Variants in HDAC9 observed in about 807,000 individuals in gnomAD.
HDAC9 encodes the protein MEF-2 interacting transcription repressor (MITR) protein.
A neutral mutation model predicts 139.4 loss-of-function variants in HDAC9; 41 were observed. That is an observed-to-expected ratio of 0.29 (90% CI 0.23 to 0.38). The LOEUF (loss-of-function observed/expected upper bound fraction) is 0.38, where lower values mean the gene tolerates loss of function less well. Ranked by LOEUF, HDAC9 falls within the 10% of genes least tolerant of loss-of-function variation. The pLI, the probability that HDAC9 is intolerant of heterozygous loss-of-function variation, is 1.00. For missense variants in HDAC9, 1,147 were observed against 1,297.0 expected, an observed-to-expected ratio of 0.88 and a Z score of 1.78; for synonymous variants, 517 against 476.2, an observed-to-expected ratio of 1.09 and a Z score of -1.12.
intron 22 of HDAC9, among the ~76,000 whole-genome samples, chr7:18,880,807 A>T (rs889682940): frequency 2.7e-5 from 4 of 149,588 alleles, no homozygotes; most frequent in African/African-American, 9.8e-5. Flanking sequence ...TTAAAAAAAA[A>T]ATTAAGTGAT....
chr7:18,683,727 C>G (rs1026838179), intron 12 of HDAC9, among the ~76,000 whole-genome samples: 1 of 152,044 alleles, frequency 6.6e-6, no homozygotes, highest in Non-Finnish European at 1.5e-5. Flanking sequence ...AAAGATAGTG[C>G]TGGCAGAAAC....
chr7:18,550,366 A>C (rs1009973335), intron 2 of HDAC9, among the ~76,000 whole-genome samples: 2 of 152,020 alleles, frequency 1.3e-5, no homozygotes, highest in Non-Finnish European at 2.9e-5. Context: ...GTTCTGTTCC[A>C]TTCTATGCAA....
intron 1 of HDAC9, among the ~76,000 whole-genome samples, chr7:18,370,108 G>A (rs1784483789): frequency 6.6e-6 from 1 of 152,120 alleles, no homozygotes; most frequent in African/African-American, 2.4e-5. Context: ...TTAAATGAAT[G>A]GAGCGCAGGC....
intron 2 of HDAC9, among the ~76,000 whole-genome samples, chr7:18,572,884 C>T (rs1486570676): frequency 6.6e-6 from 1 of 152,178 alleles, no homozygotes; most frequent in Non-Finnish European, 1.5e-5. Flanking sequence ...GTGGCCATTA[C>T]AGATTAGTTA....
At chr7:18,856,464 T>G (rs1562993774) in intron 21 of HDAC9, among the ~76,000 whole-genome samples, 1 of 152,092 alleles carries the variant, frequency 6.6e-6, no homozygotes, top group Admixed American at 6.6e-5. Flanking sequence ...TGCATAGAAA[T>G]TGCCCCTAAA....
At chr7:18,171,764 G>A (rs1258170110) in intron 2 of HDAC9, among the ~76,000 whole-genome samples, 2 of 152,190 alleles carry the variant, frequency 1.3e-5, no homozygotes, top group Non-Finnish European at 2.9e-5. Flanking sequence ...ATTTCCGTAT[G>A]TTGAACCAGC....
chr7:18,647,654 G>T, intron 9 of HDAC9, 131 bp from the exon 10 acceptor site: 1 of 674,068 alleles, frequency 1.5e-6, no homozygotes, highest in Non-Finnish European at 2.4e-6. Context: ...CATTTTCCCT[G>T]CTCAGCCATT....
rs113553326 is a variant in HDAC9, at chr7:18,476,764, G to A, written c.-41-19498G>A. Among the ~76,000 whole-genome samples the A allele has an allele frequency of 8.7e-3, 1,317 of 151,888 alleles. 18 individuals carry two copies. Among genetic ancestry groups the A allele is most frequent in the African/African-American group, 0.03 (1,238 of 41,404 alleles). ...ATATCTCTGTTTCAATTTTTTCTTCGTTCTCTGTCCACACAGGTCCCAAAT... is the reference window on the plus strand; with the variant it reads ...ATATCTCTGTTTCAATTTTTTCTTCATTCTCTGTCCACACAGGTCCCAAAT... On this transcript the variant is annotated intron_variant, in intron 1 of 3. Coordinates refer to the HDAC9 transcript ENST00000413509.
chr7:18,829,428 TTTC>T, intron 18 of HDAC9, 30 bp from the exon 19 acceptor site: 1 of 1,475,724 alleles, frequency 6.8e-7, no homozygotes, highest in African/African-American at 1.4e-5. Context: ...GATGATTTGC[TTTC>T]TTATTTCTCT....
At chr7:18,477,412 T>C (rs757111573) in intron 1 of HDAC9, among the ~76,000 whole-genome samples, 9 of 151,018 alleles carry the variant, frequency 6.0e-5, no homozygotes, top group Non-Finnish European at 1.2e-4. Context: ...CGTGCATGCG[T>C]GTGTGTGTGT....
intron 12 of HDAC9, among the ~76,000 whole-genome samples, chr7:18,716,567 T>C (rs1468109159): frequency 6.6e-6 from 1 of 152,164 alleles, no homozygotes; most frequent in African/African-American, 2.4e-5. Context: ...TATAAATGCA[T>C]AGTGCAACCA....
intron 1 of HDAC9, among the ~76,000 whole-genome samples, chr7:18,126,842 A>C (rs1784704921): frequency 1.3e-5 from 2 of 152,202 alleles, no homozygotes; most frequent in South Asian, 4.1e-4. Flanking sequence ...TTTGATTATA[A>C]GCTAAGATTT....
At chr7:18,188,208 A>T (rs575108808) in intron 2 of HDAC9, among the ~76,000 whole-genome samples, 11 of 152,160 alleles carry the variant, frequency 7.2e-5, no homozygotes, top group Non-Finnish European at 1.3e-4. Flanking sequence ...ATCTACAACC[A>T]TCTGATCTTT....
At chr7:18,158,336 A>G (rs1357312361) in intron 1 of HDAC9, among the ~76,000 whole-genome samples, 3 of 152,150 alleles carry the variant, frequency 2.0e-5, no homozygotes, top group Admixed American at 1.3e-4. Context: ...GATTCATTGT[A>G]TCATGTTTTG....
chr7:18,321,197 G>A (rs1800004953), intron 1 of HDAC9, among the ~76,000 whole-genome samples: 1 of 152,050 alleles, frequency 6.6e-6, no homozygotes, highest in South Asian at 2.1e-4. Context: ...GATGGAAATT[G>A]TTCTTAGTAT....
In HDAC9 at chr7:18,836,013, T is replaced by A. The variant is rs1462890208; in HGVS notation, c.2684+16T>A. 2 of 1,444,222 alleles carry A rather than the reference T, an allele frequency of 1.4e-6. No individual in the cohort carries two copies. The highest frequency in any genetic ancestry group is 1.9e-6 in the Non-Finnish European group (2 of 1,062,484). 89.5% of individuals were successfully genotyped at this position (1,444,222 alleles called of 1,614,324 possible). ...AAGCATTCAGGTTGGTACTTCTTTC[T>A]CTCTGAAAGTGGCAAATTGGAAAAT... On this transcript the variant is annotated intron_variant, in intron 21 of 25. Coordinates refer to ENST00000686413, the MANE Select transcript of HDAC9 (RefSeq NM_178425.4).
chr7:18,728,254 T>A (rs914527949), intron 13 of HDAC9, among the ~76,000 whole-genome samples: 1 of 152,204 alleles, frequency 6.6e-6, no homozygotes. Flanking sequence ...CTATGTATGT[T>A]ACTTTCATTT....
chr7:18,894,801 A>C (rs542314877), intron 22 of HDAC9, among the ~76,000 whole-genome samples: 2 of 152,272 alleles, frequency 1.3e-5, no homozygotes, highest in East Asian at 1.9e-4. Flanking sequence ...TGCTATACAA[A>C]TGTTCTTGAA....
At chr7:18,937,448 T>A (rs1337989243) in intron 23 of HDAC9, among the ~76,000 whole-genome samples, 2 of 152,162 alleles carry the variant, frequency 1.3e-5, no homozygotes, top group East Asian at 3.9e-4. Flanking sequence ...TGTGTAAAAT[T>A]TTCTAAAATG....
Sources: allele counts gnomAD v4.1 joint callset (sites outside exome capture counted in the v4.1 genomes callset), GRCh38; gene constraint gnomAD v4.1.1; transcripts MANE v1.5; gene names NCBI Gene and HGNC (gene_info 2026-07-23, HGNC 2026-07-21).